Variants in ZNF385B observed in about 807,000 individuals in gnomAD.
The protein encoded by ZNF385B is zinc finger protein 385B.
In ZNF385B, 23 loss-of-function variants were observed where a neutral mutation model predicts 39.2. The ratio of observed to expected loss-of-function variants is 0.59; its 90% CI spans 0.42 to 0.83. ZNF385B has a LOEUF of 0.83. Among genes scored for constraint, ZNF385B ranks in the 40% least tolerant of loss-of-function variants. The pLI, the probability that ZNF385B is intolerant of heterozygous loss-of-function variation, is 0.00. For missense variants in ZNF385B, 552 were observed against 598.9 expected, an observed-to-expected ratio of 0.92 and a Z score of 0.82; for synonymous variants, 205 against 222.6, an observed-to-expected ratio of 0.92 and a Z score of 0.70.
intron 3 of ZNF385B, among the ~76,000 whole-genome samples, chr2:179,709,566 T>C (rs1699853459): frequency 6.6e-6 from 1 of 152,186 alleles, no homozygotes; most frequent in Non-Finnish European, 1.5e-5. Context: ...CCTGCATATG[T>C]CTTCTTGAGG....
At chr2:179,490,192 C>G (rs1224363739) in intron 5 of ZNF385B, among the ~76,000 whole-genome samples, 1 of 152,092 alleles carries the variant, frequency 6.6e-6, no homozygotes, top group Admixed American at 6.6e-5. Flanking sequence ...GATGTGTACT[C>G]TAGACTGCTA....
At chr2:179,595,993 T>C (rs943299068) in intron 3 of ZNF385B, among the ~76,000 whole-genome samples, 1 of 152,134 alleles carries the variant, frequency 6.6e-6, no homozygotes, top group Non-Finnish European at 1.5e-5. Context: ...TAGGAGTGGG[T>C]ATATATAAAA....
chr2:179,507,363 C>A (rs1392747679), intron 5 of ZNF385B, among the ~76,000 whole-genome samples: 1 of 152,120 alleles, frequency 6.6e-6, no homozygotes, highest in East Asian at 1.9e-4. Flanking sequence ...GTCTTCAATT[C>A]TCTCTCCTTT....
chr2:179,501,514 G>A (rs181524878), intron 5 of ZNF385B, among the ~76,000 whole-genome samples: 1 of 152,148 alleles, frequency 6.6e-6, no homozygotes, highest in African/African-American at 2.4e-5. Flanking sequence ...CTTATTTGTG[G>A]GATCTAAAAA....
chr2:179,761,002 C>G (rs1251959393), intron 3 of ZNF385B, among the ~76,000 whole-genome samples: 1 of 152,096 alleles, frequency 6.6e-6, no homozygotes, highest in Admixed American at 6.6e-5. Flanking sequence ...AAAAGGTATT[C>G]TTTCTCCATT....
chr2:179,656,262 G>A (rs561987312), intron 3 of ZNF385B, among the ~76,000 whole-genome samples: 3 of 152,024 alleles, frequency 2.0e-5, no homozygotes, highest in Admixed American at 2.0e-4. Flanking sequence ...TTTGCAGAAA[G>A]TTTTATGTAT....
At chr2:179,548,936 C>T (rs1665403163) in intron 3 of ZNF385B, among the ~76,000 whole-genome samples, 1 of 149,494 alleles carries the variant, frequency 6.7e-6, no homozygotes, top group Admixed American at 6.7e-5. Flanking sequence ...CTAAGGGAAA[C>T]TTATCCGTTA....
intron 1 of ZNF385B, among the ~76,000 whole-genome samples, chr2:179,789,915 T>C (rs1705225438): frequency 6.6e-6 from 1 of 152,142 alleles, no homozygotes. Flanking sequence ...TATTAACATG[T>C]TATGATTTGA....
intron 3 of ZNF385B, among the ~76,000 whole-genome samples, chr2:179,743,653 C>T (rs1029174685): frequency 6.6e-6 from 1 of 152,020 alleles, no homozygotes; most frequent in African/African-American, 2.4e-5. Context: ...ATTTTGATCA[C>T]CTCTATTTCA....
At chr2:179,800,281 T>G (rs1705945142) in intron 1 of ZNF385B, among the ~76,000 whole-genome samples, 1 of 152,042 alleles carries the variant, frequency 6.6e-6, no homozygotes, top group Admixed American at 6.6e-5. Flanking sequence ...GAATATTATA[T>G]GACATAAACT....
intron 3 of ZNF385B, among the ~76,000 whole-genome samples, chr2:179,625,987 G>A (rs2106174960): frequency 6.6e-6 from 1 of 151,884 alleles, no homozygotes; most frequent in Admixed American, 6.6e-5. Context: ...AAAATTTCAA[G>A]GATGTATAGA....
chr2:179,457,645 T>A (rs2050845860), intron 6 of ZNF385B, among the ~76,000 whole-genome samples: 1 of 152,182 alleles, frequency 6.6e-6, no homozygotes, highest in Non-Finnish European at 1.5e-5. Context: ...GATAATGAGC[T>A]CCTTTTCTTT....
intron 3 of ZNF385B, among the ~76,000 whole-genome samples, chr2:179,684,226 A>G (rs549473669): frequency 6.6e-6 from 1 of 152,366 alleles, no homozygotes; most frequent in East Asian, 1.9e-4. Context: ...TGTGTTCTGA[A>G]TCGCCTTTGT....
chr2:179,592,709 T>A (rs1270192943), intron 3 of ZNF385B, among the ~76,000 whole-genome samples: 1 of 152,192 alleles, frequency 6.6e-6, no homozygotes. Flanking sequence ...TTGCATTATG[T>A]TAATTATTAA....
In ZNF385B at chr2:179,679,596, CTAT is replaced by C. The variant is rs1412501696; in HGVS notation, c.298+89904_298+89906del. Among the ~76,000 whole-genome samples the C allele has an allele frequency of 1.4e-4, 17 of 120,162 alleles. No individual in the cohort carries two copies. The East Asian group carries it at 2.5e-3, about 18-fold the overall frequency. The allele number at this position is 120,162 out of a possible 152,430, so 78.8% of individuals were successfully genotyped here. A position where few individuals can be genotyped will look rare whatever the true frequency, so the allele number is the denominator to read the frequency against. ...CTTCCATTTTATTTCTTATTAACAG[CTAT>C]TATTGTTGTTGTTGTTGTTGTTGTT... On this transcript the variant is annotated intron_variant, in intron 3 of 9. Transcript: ENST00000410066.
chr2:179,816,499 G>C (rs1233962543), intron 1 of ZNF385B, among the ~76,000 whole-genome samples: 1 of 152,134 alleles, frequency 6.6e-6, no homozygotes, highest in African/African-American at 2.4e-5. Context: ...ATTTCACTTA[G>C]AGTAAAAATC....
intron 3 of ZNF385B, among the ~76,000 whole-genome samples, chr2:179,714,869 G>A (rs897850851): frequency 7.5e-5 from 11 of 147,374 alleles, no homozygotes; most frequent in African/African-American, 2.3e-4. Context: ...ATTTGAGCCC[G>A]GGAGGTAGAG....
intron 4 of ZNF385B, among the ~76,000 whole-genome samples, chr2:179,527,251 G>A (rs190688071): frequency 6.6e-6 from 1 of 152,304 alleles, no homozygotes; most frequent in Non-Finnish European, 1.5e-5. Flanking sequence ...GAAAACACAA[G>A]GGAGTCAGCC....
intron 6 of ZNF385B, among the ~76,000 whole-genome samples, chr2:179,476,234 A>G (rs979688433): frequency 1.3e-5 from 2 of 152,154 alleles, no homozygotes; most frequent in African/African-American, 4.8e-5. Context: ...TCTCAAGGGC[A>G]TTTATGGTTA....
Sources: allele counts gnomAD v4.1 joint callset (sites outside exome capture counted in the v4.1 genomes callset), GRCh38; gene constraint gnomAD v4.1.1; transcripts MANE v1.5; gene names NCBI Gene and HGNC (gene_info 2026-07-23, HGNC 2026-07-21).